Variants in DNAH14 observed in about 807,000 individuals in gnomAD.
DNAH14 encodes the protein dynein axonemal heavy chain 14.
Under a neutral mutation model 520.9 loss-of-function variants are expected in DNAH14, and 478 were observed. The observed-to-expected ratio is 0.92, with a 90% CI of 0.85 to 0.99. The LOEUF (loss-of-function observed/expected upper bound fraction) is 0.99. Ranked by LOEUF, DNAH14 falls within the 50% of genes least tolerant of loss-of-function variation. The probability of loss-of-function intolerance (pLI) is 0.00; values close to 1 mark genes in which losing one functional copy is unlikely to be tolerated. For synonymous variants in DNAH14, 1,581 were observed against 1,757.2 expected, an observed-to-expected ratio of 0.90 and a Z score of 2.51; for missense variants, 4,831 against 5,234.5, an observed-to-expected ratio of 0.92 and a Z score of 2.38.
chr1:225,220,213 C>A (rs2149503182), intron 41 of DNAH14, among the ~76,000 whole-genome samples: 1 of 152,274 alleles, frequency 6.6e-6, no homozygotes, highest in Non-Finnish European at 1.5e-5. Context: ...ACTGAATGAG[C>A]AAAAGCTGGA....
chr1:225,132,372 C>T (rs2078509956), intron 27 of DNAH14, among the ~76,000 whole-genome samples: 2 of 151,498 alleles, frequency 1.3e-5, no homozygotes, highest in South Asian at 2.1e-4. Context: ...TCTGCCCCCA[C>T]AACAGGCCCC....
At chr1:225,008,689 T>C (rs2939367) in intron 10 of DNAH14, among the ~76,000 whole-genome samples, 136,409 of 150,802 alleles carry the variant, frequency 0.9, 63,215 homozygotes, top group East Asian at 1. Flanking sequence ...CCTCCCAAAG[T>C]GCTGGGATTA....
At chr1:225,109,000 C>A (rs1319559783) in intron 23 of DNAH14, among the ~76,000 whole-genome samples, 2 of 152,046 alleles carry the variant, frequency 1.3e-5, no homozygotes, top group Non-Finnish European at 2.9e-5. Context: ...GTTCTTGGCA[C>A]CTTGGTCAAA....
In DNAH14 at chr1:225,207,013, C is replaced by T. The variant is rs1296888567; in HGVS notation, c.6232C>T (p.Leu2078=). The T allele has an allele frequency of 6.5e-7, 1 of 1,543,810 alleles. No individual in the cohort carries two copies. Among genetic ancestry groups the T allele is most frequent in the Non-Finnish European group, 8.7e-7 (1 of 1,143,650 alleles). The part of the protein sequence containing the change: ...GWEPYVKSWL[L]KTSKIISQSG... ...GGAACCTTATGTTAAGTCATGGCTT[C>T]TGAAAACTTCTAAAATTATAAGTCA... Residue 2078 remains leucine (L), a synonymous_variant, in exon 41 of 86, where the codon CTG becomes TTG. Coordinates refer to ENST00000682510, the MANE Select transcript of DNAH14 (RefSeq NM_001367479.1).
chr1:225,160,126 T>TG (rs1178095158), intron 35 of DNAH14, among the ~76,000 whole-genome samples: 1 of 152,176 alleles, frequency 6.6e-6, no homozygotes, highest in African/African-American at 2.4e-5. Context: ...TAACATATAA[T>TG]GCCCTTCACA....
rs545207679 is a variant in DNAH14 at position 225,197,800 on chromosome 1, T to A, written c.5886+4889T>A. 2.0e-5 allele frequency among the ~76,000 whole-genome samples: 3 copies of A among 152,316 alleles called. No individual in the cohort carries two copies. In the South Asian group the frequency reaches 6.2e-4, roughly 32 times the overall value. On this transcript the variant is annotated intron_variant, in intron 38 of 85. Coordinates refer to ENST00000682510, the MANE Select transcript of DNAH14 (RefSeq NM_001367479.1). ...AAGTATTTTATTTTTTTGCAGCTAGTGTAAAAGGTGTTGAGTTCTTGATTT... is the reference window on the plus strand; with the variant it reads ...AAGTATTTTATTTTTTTGCAGCTAGAGTAAAAGGTGTTGAGTTCTTGATTT...
In DNAH14 at chr1:225,117,714, C is replaced by G. The variant is rs1305041472; in HGVS notation, c.3898C>G (p.Pro1300Ala). 89 of 1,548,874 alleles carry G rather than the reference C, an allele frequency of 5.7e-5. No homozygotes were observed. Among genetic ancestry groups the G allele is most frequent in the Non-Finnish European group, 7.4e-5 (85 of 1,146,562 alleles). ...CCTTGAAGTTAAAAGATTAATTTTC[C>G]CAAGATTTTACTTTCTTAGCAATGC... ...DYLEVKRLIF[P>A]RFYFLSNAEL... The change falls in exon 24 of 86, where the codon CCA becomes GCA. Residue 1300 changes from proline (P) to alanine (A), a missense_variant. Pro to Ala is a conservative substitution (Grantham distance 27, BLOSUM62 -1). Transcript: ENST00000682510.
intron 1 of DNAH14, among the ~76,000 whole-genome samples, chr1:224,946,786 T>C (rs1049927901): frequency 5.3e-5 from 8 of 152,034 alleles, no homozygotes; most frequent in Non-Finnish European, 1.0e-4. Flanking sequence ...TTTGTTTGTA[T>C]ATTTGGTGTG....
At chr1:224,972,903 C>G (rs1315938714) in intron 7 of DNAH14, among the ~76,000 whole-genome samples, 1 of 152,280 alleles carries the variant, frequency 6.6e-6, no homozygotes, top group Non-Finnish European at 1.5e-5. Flanking sequence ...ATTAGACCAT[C>G]AGCATCATCG....
chr1:225,061,282 C>T (rs562899163), intron 17 of DNAH14, among the ~76,000 whole-genome samples: 3 of 152,340 alleles, frequency 2.0e-5, no homozygotes, highest in South Asian at 2.1e-4. Context: ...TAGCAATGAG[C>T]GTGGCTCCGT....
chr1:224,942,489 C>G (rs955580294), intron 1 of DNAH14, among the ~76,000 whole-genome samples: 5 of 152,052 alleles, frequency 3.3e-5, no homozygotes, highest in Admixed American at 6.6e-5. Context: ...AATTGAATAC[C>G]CTTTATTTCC....
chr1:225,235,587 T>C (rs1051476943), intron 42 of DNAH14, among the ~76,000 whole-genome samples: 2 of 152,182 alleles, frequency 1.3e-5, no homozygotes, highest in South Asian at 2.1e-4. Context: ...TCATTTTCAA[T>C]TGTTTGTAAT....
chr1:225,326,152 CT>C (rs1279024280), intron 64 of DNAH14, among the ~76,000 whole-genome samples: 1 of 152,086 alleles, frequency 6.6e-6, no homozygotes, highest in Non-Finnish European at 1.5e-5. Flanking sequence ...TCATGTAATC[CT>C]CACAACAACA....
intron 1 of DNAH14, among the ~76,000 whole-genome samples, chr1:224,939,367 C>T (rs529480904): frequency 4.7e-4 from 69 of 148,138 alleles, no homozygotes; most frequent in Non-Finnish European, 8.9e-4. Context: ...TGGCATGGCC[C>T]TTTTAAAACG....
At chr1:225,060,142 C>A (rs2069819866) in intron 17 of DNAH14, among the ~76,000 whole-genome samples, 1 of 152,182 alleles carries the variant, frequency 6.6e-6, no homozygotes, top group African/African-American at 2.4e-5. Flanking sequence ...GTTCCATTCT[C>A]CCTGTTACCA....
chr1:225,311,931 G>T (rs1183631909), intron 60 of DNAH14, among the ~76,000 whole-genome samples: 1 of 151,912 alleles, frequency 6.6e-6, no homozygotes, highest in Admixed American at 6.6e-5. Context: ...TATACAGGCT[G>T]TTTTTTGGTT....
chr1:225,388,088 A>G (rs1421206843), intron 81 of DNAH14, among the ~76,000 whole-genome samples: 1 of 152,188 alleles, frequency 6.6e-6, no homozygotes, highest in Non-Finnish European at 1.5e-5. Context: ...ATCTCCCCAG[A>G]GAGGAGGAAA....
In DNAH14 at chr1:225,227,755, C is replaced by A. The variant is rs561792166; in HGVS notation, c.6440-3318C>A. 3.3e-5 allele frequency among the ~76,000 whole-genome samples: 5 copies of A among 152,266 alleles called. No homozygotes were observed. In the South Asian group the frequency reaches 1.0e-3, roughly 32 times the overall value. On this transcript the variant is annotated intron_variant, in intron 41 of 85. Transcript: ENST00000682510. ...AGACACTTTATGGTGCCTAGGACAT[C>A]TTAGCACCTCCCTTAACACCTGGCA...
chr1:225,352,759 T>C (rs1318856621), intron 72 of DNAH14, among the ~76,000 whole-genome samples: 1 of 152,102 alleles, frequency 6.6e-6, no homozygotes, highest in Non-Finnish European at 1.5e-5. Context: ...TGAATTTGTT[T>C]TTATAGTACC....
Sources: allele counts gnomAD v4.1 joint callset (sites outside exome capture counted in the v4.1 genomes callset), GRCh38; gene constraint gnomAD v4.1.1; transcripts MANE v1.5; gene names NCBI Gene and HGNC (gene_info 2026-07-23, HGNC 2026-07-21).